Variants in ACER1 observed in about 807,000 individuals in gnomAD.
The protein encoded by ACER1 is CTB-180A7.3.
In ACER1, 28 loss-of-function variants were observed where a neutral mutation model predicts 24.9. The observed-to-expected ratio is 1.13, with a 90% confidence interval of 0.83 to 1.54. The LOEUF is 1.54. Among genes scored for constraint, ACER1 ranks in the 40% most tolerant of loss-of-function variants. The pLI is 0.00. For synonymous variants in ACER1, 132 were observed against 131.4 expected (o/e 1.00, Z -0.03); for missense variants, 352 against 349.3 (o/e 1.01, Z -0.06).
intron 1 of ACER1, among the ~76,000 whole-genome samples, chr19:6,314,606 T>C (rs1463366809): frequency 6.6e-6 from 1 of 152,130 alleles, no homozygotes; most frequent in Non-Finnish European, 1.5e-5. Flanking sequence ...GTCTCTCATA[T>C]GACAAATACT....
chr19:6,339,899 T>C, the ACER1 span, among the ~76,000 whole-genome samples: 1 of 151,726 alleles, frequency 6.6e-6, no homozygotes, highest in Non-Finnish European at 1.5e-5. Context: ...TCTCCTGACC[T>C]CATGATCCGC....
the ACER1 span, among the ~76,000 whole-genome samples, chr19:6,341,370 A>T: frequency 6.6e-6 from 1 of 151,204 alleles, no homozygotes; most frequent in Non-Finnish European, 1.5e-5. Flanking sequence ...TCTACAAAAC[A>T]TTAAAAAGTT....
At position 6,312,182 on chromosome 19, in the gene ACER1, CG is replaced by C. The variant is rs746161603; in HGVS notation, c.316del (p.Arg106AlafsTer67). The C allele has an allele frequency of 5.6e-6, 9 of 1,613,700 alleles. No homozygotes were observed. The highest frequency in any genetic ancestry group is 6.8e-6 in the Non-Finnish European group (8 of 1,179,794). On this transcript the variant is annotated frameshift_variant, in exon 3 of 6. Coordinates refer to ENST00000301452, the MANE Select transcript of ACER1 (RefSeq NM_133492.3). LOFTEE classifies it high-confidence loss of function. ...CCCAAGGAAGGAGGGGAAATAGCAG[CG>C]GGGCATCCATATGCTATAGCCACTG... is the stretch of plus-strand genomic sequence containing the variant. ...LGSGYSIWMP[R>X]CYFPSFLGGN...
the ACER1 span, among the ~76,000 whole-genome samples, chr19:6,338,781 C>T: frequency 6.6e-6 from 1 of 152,058 alleles, no homozygotes; most frequent in Non-Finnish European, 1.5e-5. Context: ...CACTATGTCT[C>T]CCAGACTGCT....
intron 1 of ACER1, among the ~76,000 whole-genome samples, chr19:6,312,981 T>C (rs1275108585): frequency 1.3e-5 from 2 of 152,072 alleles, no homozygotes; most frequent in Non-Finnish European, 2.9e-5. Context: ...CCTAGCCACT[T>C]TTCAGCTGAT....
chr19:6,306,322 A>G lies in ACER1; in HGVS notation c.*392T>C. 1 of 163,324 alleles carries G rather than the reference A, an allele frequency of 6.1e-6. No homozygotes were observed. The highest frequency in any genetic ancestry group is 1.8e-4 in the South Asian group (1 of 5,414). 10.1% of individuals were successfully genotyped at this position (163,324 alleles called of 1,614,324 possible). On this transcript the variant is annotated 3_prime_UTR_variant, in exon 6 of 6. Transcript: ENST00000301452. ...CTCGGCCTCCCAAAGTGCTGGGATT[A>G]TAGGCGTGAGCCACCGTTCCCAGCC...
the ACER1 span, among the ~76,000 whole-genome samples, chr19:6,340,141 C>T: frequency 2.0e-5 from 3 of 151,342 alleles, no homozygotes; most frequent in South Asian, 2.1e-4. Flanking sequence ...ATTAGCCAGG[C>T]GTGGTGGTGC....
At chr19:6,316,798 C>T (rs913499153) in intron 1 of ACER1, among the ~76,000 whole-genome samples, 1 of 142,304 alleles carries the variant, frequency 7.0e-6, no homozygotes, top group African/African-American at 2.6e-5. Context: ...CCAGTCTGGG[C>T]GACAGAGCGA....
the ACER1 span, among the ~76,000 whole-genome samples, chr19:6,355,910 G>T: frequency 6.0e-5 from 9 of 150,218 alleles, no homozygotes; most frequent in East Asian, 1.8e-3. Context: ...GCCTCTGCCC[G>T]GCCACCCCTA....
At chr19:6,338,591 T>C (rs571245882), upstream of ACER1, among the ~76,000 whole-genome samples, 1 of 152,126 alleles carries the variant, frequency 6.6e-6, no homozygotes, top group African/African-American at 2.4e-5. Flanking sequence ...ATTATTCCAT[T>C]TTTTTTAATG....
chr19:6,319,424 T>C (rs1481458019), intron 1 of ACER1, among the ~76,000 whole-genome samples: 1 of 152,128 alleles, frequency 6.6e-6, no homozygotes, highest in Non-Finnish European at 1.5e-5. Context: ...GCCAGCCCAG[T>C]CCTGAACTCT....
the ACER1 span, among the ~76,000 whole-genome samples, chr19:6,355,582 C>T: frequency 6.7e-6 from 1 of 148,822 alleles, no homozygotes; most frequent in Non-Finnish European, 1.5e-5. Context: ...AGGTGGGGGT[C>T]AGCCCCGCCA....
chr19:6,345,190 C>T, the ACER1 span, among the ~76,000 whole-genome samples: 3 of 151,946 alleles, frequency 2.0e-5, no homozygotes, highest in South Asian at 2.1e-4. Context: ...CCACCGTGCC[C>T]GGCCTCCGTG....
At chr19:6,325,797 C>G (rs2091658220) in intron 1 of ACER1, among the ~76,000 whole-genome samples, 1 of 135,098 alleles carries the variant, frequency 7.4e-6, no homozygotes, top group Middle Eastern at 3.9e-3. Flanking sequence ...GAGTTCAAGG[C>G]TGCAGTGAGC....
the ACER1 span, among the ~76,000 whole-genome samples, chr19:6,342,539 G>A: frequency 1.3e-5 from 2 of 151,726 alleles, no homozygotes; most frequent in Non-Finnish European, 2.9e-5. Context: ...CTAACATGGT[G>A]AAACCCCGTC....
the ACER1 span, among the ~76,000 whole-genome samples, chr19:6,338,888 T>C: frequency 6.6e-5 from 10 of 151,676 alleles, no homozygotes; most frequent in African/African-American, 2.4e-4. Flanking sequence ...AAATCTTTTT[T>C]TTTTTTTAAG....
At chr19:6,317,844 G>A (rs947810215) in intron 1 of ACER1, among the ~76,000 whole-genome samples, 4 of 151,556 alleles carry the variant, frequency 2.6e-5, no homozygotes, top group Admixed American at 1.3e-4. Context: ...AACCTCCACC[G>A]CCCGGGTTCA....
At chr19:6,315,912 G>T (rs891849005) in intron 1 of ACER1, among the ~76,000 whole-genome samples, 1 of 152,172 alleles carries the variant, frequency 6.6e-6, no homozygotes, top group South Asian at 2.1e-4. Flanking sequence ...GGCAAATCAC[G>T]AAGTCAGGAA....
chr19:6,324,449 C>T (rs1227675403), intron 1 of ACER1, among the ~76,000 whole-genome samples: 6 of 151,802 alleles, frequency 4.0e-5, no homozygotes, highest in Admixed American at 6.6e-5. Flanking sequence ...GACCTTGAAA[C>T]TTCCACCTGC....
Sources: allele counts gnomAD v4.1 joint callset (sites outside exome capture counted in the v4.1 genomes callset), GRCh38; gene constraint gnomAD v4.1.1; transcripts MANE v1.5; gene names NCBI Gene and HGNC (gene_info 2026-07-23, HGNC 2026-07-21).